Variants in PPFIA4 observed in about 807,000 individuals in gnomAD.
PPFIA4 encodes PPFI scaffold protein A4.
Under a neutral mutation model 145.7 loss-of-function variants are expected in PPFIA4, and 98 were observed. The ratio of observed to expected loss-of-function variants is 0.67; its 90% CI spans 0.57 to 0.80. The LOEUF (loss-of-function observed/expected upper bound fraction) is 0.80. Ranked by LOEUF, PPFIA4 falls within the 30% of genes least tolerant of loss-of-function variation. PPFIA4 has a pLI of 0.00. For missense variants in PPFIA4, 1,457 were observed against 1,632.7 expected, an observed-to-expected ratio of 0.89 and a Z score of 1.85; for synonymous variants, 628 against 649.6, an observed-to-expected ratio of 0.97 and a Z score of 0.51.
chr1:203,049,072 C>G (rs1456239100), intron 12 of PPFIA4, 92 bp downstream of exon 12: 13 of 1,237,748 alleles, frequency 1.1e-5, no homozygotes, highest in Non-Finnish European at 1.5e-5. Flanking sequence ...GCTCTGATAC[C>G]TGGCAGTGTT....
In PPFIA4 at chr1:203,068,521, G is replaced by A. The variant is rs745421051; in HGVS notation, c.3217G>A (p.Gly1073Arg). The change falls in exon 27 of 30, where the codon GGA becomes AGA. Residue 1073 changes from glycine to arginine, a missense_variant. By Grantham distance (125) the Gly-to-Arg change is moderately radical. Around this residue, in one of 3 missense-constraint regions of PPFIA4, gnomAD observed 848 missense variants for 1,046.7 expected, o/e 0.81. Transcript: ENST00000295706. This position sits in a 1 kb window ranked among gnomAD's most constrained non-coding sequence, Gnocchi z 4.7. ...VQSIGLRDYA[G>R]NLHESGVHGA... is the part of the protein sequence containing the mutation. ...GTCTATTGGGCTCCGGGACTACGCA[G>A]GAAACCTGCATGAGAGTGGTGTGCA... The A allele has an allele frequency of 1.2e-6, 2 of 1,609,420 alleles. No individual in the cohort carries two copies. Among genetic ancestry groups the A allele is most frequent in the East Asian group, 4.5e-5 (2 of 44,584 alleles).
rs1226084674 is a variant in PPFIA4 at position 203,056,189 on chromosome 1, G to A, written c.2106+34G>A. On this transcript the variant is annotated intron_variant, in intron 17 of 29. Transcript: ENST00000295706. ...TGCCTGATGGCCCAGGTACTAACGG[G>A]TTCACTGCTCCCATGCCCTTTCCTT... 3 of 1,613,568 alleles carry A rather than the reference G, an allele frequency of 1.9e-6. No individual in the cohort carries two copies. In the African/African-American group the frequency reaches 4.0e-5, roughly 22 times the overall value.
chr1:203,041,331 C>T (rs1244218286), intron 2 of PPFIA4, among the ~76,000 whole-genome samples: 2 of 152,192 alleles, frequency 1.3e-5, no homozygotes, highest in Non-Finnish European at 2.9e-5. Context: ...GTGCCTCACT[C>T]CTGTAATCCC....
At chr1:203,062,547 A>G (rs2102676939) in intron 24 of PPFIA4, among the ~76,000 whole-genome samples, 1 of 118,874 alleles carries the variant, frequency 8.4e-6, no homozygotes, top group Admixed American at 8.1e-5. Flanking sequence ...ACAATATTGG[A>G]TAGTGATGCG....
Position 203,056,776 on chromosome 1 carries a change from C to T in PPFIA4, c.2241-8C>T. On this transcript the variant is annotated splice_polypyrimidine_tract_variant and splice_region_variant and intron_variant, in intron 18 of 29. Coordinates refer to ENST00000295706, the MANE Select transcript of PPFIA4 (RefSeq NM_001304331.2). The stretch of plus-strand genomic sequence containing the variant: ...TTATTCCGCCCCCTTCTGGCTGTCA[C>T]CCTGTAGTGCCTTGGAGGATCAGGG... 1.3e-6 allele frequency: 2 copies of T among 1,594,878 alleles called. No individual in the cohort carries two copies. Among genetic ancestry groups the T allele is most frequent in the Non-Finnish European group, 1.7e-6 (2 of 1,167,206 alleles).
At chr1:203,040,239 G>GC (rs1390058687) in intron 2 of PPFIA4, among the ~76,000 whole-genome samples, 1 of 152,174 alleles carries the variant, frequency 6.6e-6, no homozygotes, top group Non-Finnish European at 1.5e-5. Flanking sequence ...TGCCCTCTCT[G>GC]CCCCTCGTAT....
intron 13 of PPFIA4, chr1:203,051,283 A>T (rs1388444837): frequency 3.2e-5 from 32 of 986,384 alleles, no homozygotes; most frequent in Non-Finnish European, 3.5e-5. Context: ...CTCAGTCCAG[A>T]TTATGGGGAG....
intron 14 of PPFIA4, 21 bp from the exon 15 acceptor site, chr1:203,053,732 T>C: frequency 6.5e-7 from 1 of 1,548,232 alleles, no homozygotes; most frequent in Non-Finnish European, 8.7e-7. Context: ...TACGACTCCT[T>C]TACCCTCCTC....
Position 203,059,873 on chromosome 1 carries a change from C to A in PPFIA4, c.2583+22C>A, listed in dbSNP as rs758695395. ...GGAGGTAAGCCTGAGCAAAGGGAGT[C>A]CACTCAGGGGTCTGGAGGGAAGGAT... On this transcript the variant is annotated intron_variant, in intron 21 of 29. Coordinates refer to ENST00000295706, the MANE Select transcript of PPFIA4 (RefSeq NM_001304331.2). The A allele has an allele frequency of 3.8e-6, 6 of 1,585,920 alleles. No individual in the cohort carries two copies. In the East Asian group the frequency reaches 1.1e-4, roughly 30 times the overall value.
chr1:203,048,777 G>C lies in PPFIA4; in HGVS notation c.1356+63G>C, dbSNP rs540871812. The stretch of plus-strand genomic sequence containing the variant: ...TGCTGGGTGTGGGGCGGGGGGAGGC[G>C]GGACTGTGATGGGCGCAGGCGGGGT... On this transcript the variant is annotated intron_variant, in intron 11 of 29. Coordinates refer to ENST00000295706, the MANE Select transcript of PPFIA4 (RefSeq NM_001304331.2). The surrounding 1 kb of genome is among the most constrained non-coding windows in gnomAD (Gnocchi z 5.8). 1.9e-6 allele frequency: 3 copies of C among 1,569,336 alleles called. No individual in the cohort carries two copies. Among genetic ancestry groups the C allele is most frequent in the Non-Finnish European group, 2.6e-6 (3 of 1,156,916 alleles).
In PPFIA4 at chr1:203,043,270, T is replaced by G; in HGVS notation, c.235-127T>G. The G allele has an allele frequency of 6.6e-6, 5 of 761,648 alleles. No homozygotes were observed. The highest frequency in any genetic ancestry group is 8.9e-6 in the Non-Finnish European group (4 of 449,186). 47.2% of individuals were successfully genotyped at this position (761,648 alleles called of 1,614,324 possible). On this transcript the variant is annotated intron_variant, in intron 2 of 29. Transcript: ENST00000295706. This position sits in a 1 kb window ranked among gnomAD's most constrained non-coding sequence, Gnocchi z 4.4. ...TTTACTGACCTGCAGTGTGGATGGA[T>G]TGGGATTTTGTGGGGGAGGTGGTGG...
chr1:203,064,544 T>C (rs1661599684), intron 25 of PPFIA4, among the ~76,000 whole-genome samples: 1 of 152,212 alleles, frequency 6.6e-6, no homozygotes, highest in African/African-American at 2.4e-5. Flanking sequence ...TGTTCAAAAG[T>C]GTCTGCGGCG....
chr1:203,046,589 A>C, intron 9 of PPFIA4: 1 of 501,950 alleles, frequency 2.0e-6, no homozygotes, highest in Non-Finnish European at 3.4e-6. Flanking sequence ...GGGATGTGAC[A>C]GTCTCATAAG....
chr1:203,045,505 G>A lies in PPFIA4; in HGVS notation c.804G>A (p.Arg268=). Residue 268 remains arginine, a synonymous_variant, in exon 7 of 30, where the codon CGG becomes CGA. Transcript: ENST00000295706. ...AGGAGGACCTGGGCACGGCCCGCCG[G>A]GACCTCATCAAGTCGGAGGAGCTGA... ...ELEEDLGTAR[R]DLIKSEELSS... 1 of 1,608,098 alleles carries A rather than the reference G, an allele frequency of 6.2e-7. No individual in the cohort carries two copies. Among genetic ancestry groups the A allele is most frequent in the East Asian group, 2.2e-5 (1 of 44,664 alleles).
Position 203,045,447 on chromosome 1 carries a change from T to TC in PPFIA4, c.746_747insC (p.Val250GlyfsTer9), listed in dbSNP as rs1433396077. On this transcript the variant is annotated frameshift_variant, in exon 7 of 30. Transcript: ENST00000295706. LOFTEE classifies it high-confidence loss of function. ...GAGTTGAGCCAGGCCCGGGAGCGAC[T>TC]GGTCACCCTAACAACAACCGTGACT... 1 of 1,609,938 alleles carries TC rather than the reference T, an allele frequency of 6.2e-7. No individual in the cohort carries two copies. The highest frequency in any genetic ancestry group is 8.5e-7 in the Non-Finnish European group (1 of 1,178,806).
In PPFIA4 at chr1:203,055,400, A is replaced by C; in HGVS notation, c.1830-32A>C. ...CCTCCTGCTGGTCCTGGCTGGGGCT[A>C]GTGGTGAGGTCTGGTTTTGCCTCCC... On this transcript the variant is annotated intron_variant, in intron 15 of 29. Transcript: ENST00000295706. This position sits in a 1 kb window ranked among gnomAD's most constrained non-coding sequence, Gnocchi z 4.8. 6.2e-7 allele frequency: 1 copy of C among 1,611,214 alleles called. No individual in the cohort carries two copies. The highest frequency in any genetic ancestry group is 1.1e-5 in the South Asian group (1 of 90,976).
At chr1:203,062,506 A>G (rs1571724454) in intron 24 of PPFIA4, among the ~76,000 whole-genome samples, 1 of 142,832 alleles carries the variant, frequency 7.0e-6, no homozygotes, top group African/African-American at 2.7e-5. Flanking sequence ...AAAAAAAAAA[A>G]GATAGTCTCA....
rs1251503141 is a variant in PPFIA4 at position 203,043,715 on chromosome 1, A to C, written c.337-216A>C. Reference sequence around the variant, plus strand: ...GCTCTCCACCTGTAGTTGCTGGTTCACAGAAAGCTCAGGGTCCTGGGGAGA... The same window carrying C: ...GCTCTCCACCTGTAGTTGCTGGTTCCCAGAAAGCTCAGGGTCCTGGGGAGA... On this transcript the variant is annotated intron_variant, in intron 3 of 29. Coordinates refer to ENST00000295706, the MANE Select transcript of PPFIA4 (RefSeq NM_001304331.2). This position sits in a 1 kb window ranked among gnomAD's most constrained non-coding sequence, Gnocchi z 4.4. Among the ~76,000 whole-genome samples, 1 of 152,124 alleles carries C rather than the reference A, an allele frequency of 6.6e-6. No individual in the cohort carries two copies. Among genetic ancestry groups the C allele is most frequent in the Non-Finnish European group, 1.5e-5 (1 of 68,018 alleles).
chr1:203,031,018 C>T (rs922227511), intron 1 of PPFIA4, among the ~76,000 whole-genome samples: 2 of 152,162 alleles, frequency 1.3e-5, no homozygotes, highest in African/African-American at 4.8e-5. Context: ...TTCTTATGAC[C>T]ATACCTTTAT....
Sources: allele counts gnomAD v4.1 joint callset (sites outside exome capture counted in the v4.1 genomes callset), GRCh38; gene constraint gnomAD v4.1.1; regional missense constraint gnomAD v4.1.1; non-coding constraint Gnocchi (gnomAD v3.1); transcripts MANE v1.5; gene names NCBI Gene and HGNC (gene_info 2026-07-23, HGNC 2026-07-21).